The following LAMA3 variants were observed in gnomAD, a reference collection of about 807,000 sequenced individuals.
LAMA3 encodes the protein laminin subunit alpha-3.
LAMA3 carries 281 observed loss-of-function variants against 402.0 expected under a neutral mutation model. The ratio of observed to expected loss-of-function variants is 0.70; its 90% CI spans 0.63 to 0.77. The LOEUF is 0.77. Among genes scored for constraint, LAMA3 ranks in the 30% least tolerant of loss-of-function variants. LAMA3 has a pLI of 0.00. For synonymous variants in LAMA3, 1,431 were observed against 1,558.4 expected, an observed-to-expected ratio of 0.92 and a Z score of 1.93; for missense variants, 3,840 against 4,215.5, an observed-to-expected ratio of 0.91 and a Z score of 2.47.
chr18:23,913,925 C>T (rs1041058305), intron 56 of LAMA3, among the ~76,000 whole-genome samples: 1 of 152,160 alleles, frequency 6.6e-6, no homozygotes. Context: ...GATATTATGC[C>T]GTGATTTTAA....
At position 23,773,440 on chromosome 18, in the gene LAMA3, TA is replaced by T. The variant is rs1598762148; in HGVS notation, c.1183-55del. 9.6e-6 allele frequency: 10 copies of T among 1,040,804 alleles called. No individual in the cohort carries two copies. The East Asian group carries it at 2.6e-4, about 27-fold the overall frequency. The allele number at this position is 1,040,804 out of a possible 1,614,324, so 64.5% of individuals were successfully genotyped here. A position where few individuals can be genotyped will look rare whatever the true frequency, so the allele number is the denominator to read the frequency against. On this transcript the variant is annotated intron_variant, in intron 8 of 74. Coordinates refer to ENST00000313654, the MANE Select transcript of LAMA3 (RefSeq NM_198129.4). Reference sequence around the variant, plus strand: ...ATTCCTCTGGGTGAGTAGCACAAAATAAGGAGAATCGTCTTCCCCAGAACCC... The same window carrying T: ...ATTCCTCTGGGTGAGTAGCACAAAATAGGAGAATCGTCTTCCCCAGAACCC...
At chr18:23,952,858 T>A in intron 73 of LAMA3, 132 bp from the exon 74 acceptor site, 1 of 1,137,066 alleles carries the variant, frequency 8.8e-7, no homozygotes, top group African/African-American at 1.5e-5. Context: ...TGAATTTATA[T>A]CTAAGCTGAC....
chr18:23,850,963 G>A (rs1460678233), intron 32 of LAMA3, among the ~76,000 whole-genome samples: 4 of 152,238 alleles, frequency 2.6e-5, no homozygotes, highest in Non-Finnish European at 5.9e-5. Context: ...TGCCTTTTCA[G>A]AAGGGTAGTA....
intron 6 of LAMA3, among the ~76,000 whole-genome samples, chr18:23,757,841 CTGAG>C (rs1434388944): frequency 6.6e-6 from 1 of 152,224 alleles, no homozygotes; most frequent in Non-Finnish European, 1.5e-5. Context: ...CTTTGCTTCT[CTGAG>C]TGGTCTCAGC....
chr18:23,716,957 C>T (rs940915692), intron 2 of LAMA3, among the ~76,000 whole-genome samples: 10 of 152,258 alleles, frequency 6.6e-5, no homozygotes, highest in African/African-American at 1.2e-4. Context: ...TTAGAGCAGT[C>T]GTATTTTTTA....
intron 25 of LAMA3, 174 bp downstream of exon 25, chr18:23,837,263 G>A (rs1268444052): frequency 4.8e-6 from 3 of 621,758 alleles, no homozygotes; most frequent in Non-Finnish European, 8.7e-6. Flanking sequence ...ATTTGTTTGA[G>A]CATTTTTTGA....
intron 34 of LAMA3, 71 bp downstream of exon 34, chr18:23,858,900 C>A: frequency 1.4e-6 from 2 of 1,466,682 alleles, no homozygotes; most frequent in Non-Finnish European, 1.9e-6. Flanking sequence ...ATATCCCTCG[C>A]TGCTCCTTGG....
intron 11 of LAMA3, 85 bp downstream of exon 11, chr18:23,777,704 C>T (rs2062352975): frequency 2.0e-6 from 2 of 1,014,684 alleles, no homozygotes; most frequent in African/African-American, 3.2e-5. Context: ...CTGCCACATC[C>T]AAGGCCAAGT....
At chr18:23,693,203 G>C (rs1379853582) in intron 1 of LAMA3, among the ~76,000 whole-genome samples, 2 of 152,108 alleles carry the variant, frequency 1.3e-5, no homozygotes, top group Admixed American at 6.5e-5. Flanking sequence ...AATTAGCCGG[G>C]CGTGGTGGCA....
chr18:23,881,850 A>T, intron 39 of LAMA3, 86 bp from the exon 40 acceptor site: 1 of 838,304 alleles, frequency 1.2e-6, no homozygotes. Flanking sequence ...CTTGAGTTGT[A>T]GTCATGTGAC....
At chr18:23,933,719 C>T in intron 66 of LAMA3, 63 bp from the exon 67 acceptor site, 3 of 1,574,120 alleles carry the variant, frequency 1.9e-6, no homozygotes, top group Admixed American at 3.4e-5. Context: ...GCTCTCTCTA[C>T]CAGAGGGTCT....
In LAMA3 at chr18:23,946,281, A is replaced by G. The variant is rs2082710286; in HGVS notation, c.9348A>G (p.Pro3116=). The part of the protein sequence containing the change: ...VYLGSPPSGK[P]KSLPTNSFVG... ...TGGGATCACCTCCATCAGGGAAACC[A>G]AAGGTAAATAGTTATGTTCAGAGCC... The change falls in exon 70 of 75, where the codon CCA becomes CCG. Residue 3116 remains proline, a synonymous_variant. Transcript: ENST00000313654. 1.2e-6 allele frequency: 2 copies of G among 1,614,032 alleles called. No homozygotes were observed. Among genetic ancestry groups the G allele is most frequent in the African/African-American group, 2.7e-5 (2 of 74,938 alleles).
At chr18:23,811,899 A>C (rs956442285) in intron 13 of LAMA3, among the ~76,000 whole-genome samples, 9 of 151,732 alleles carry the variant, frequency 5.9e-5, no homozygotes, top group African/African-American at 2.2e-4. Context: ...TTTGAGACAG[A>C]GTCTCGCTCT....
chr18:23,926,049 A>G (rs185338516), intron 62 of LAMA3, among the ~76,000 whole-genome samples: 1 of 152,320 alleles, frequency 6.6e-6, no homozygotes, highest in East Asian at 1.9e-4. Context: ...CCTATCTCTT[A>G]GGGTGGTTGG....
chr18:23,896,837 G>A (rs2080891222), intron 44 of LAMA3, among the ~76,000 whole-genome samples: 1 of 152,128 alleles, frequency 6.6e-6, no homozygotes, highest in African/African-American at 2.4e-5. Flanking sequence ...ACCGTGGGTT[G>A]GAGGTTCGAG....
intron 1 of LAMA3, among the ~76,000 whole-genome samples, chr18:23,699,049 AG>A (rs1162154984): frequency 1.3e-5 from 2 of 151,756 alleles, no homozygotes; most frequent in Non-Finnish European, 2.9e-5. Flanking sequence ...AGAGAGAGAG[AG>A]AGAGAAAGAA....
At chr18:23,913,082 T>G (rs1599078331) in intron 56 of LAMA3, among the ~76,000 whole-genome samples, 1 of 152,200 alleles carries the variant, frequency 6.6e-6, no homozygotes, top group African/African-American at 2.4e-5. Context: ...CCATGCATTG[T>G]TGGTTGCTAG....
intron 1 of LAMA3, among the ~76,000 whole-genome samples, chr18:23,694,682 T>C (rs1235714389): frequency 6.6e-6 from 1 of 152,226 alleles, no homozygotes; most frequent in Non-Finnish European, 1.5e-5. Flanking sequence ...GCTATACTAC[T>C]GTCACAGACA....
chr18:23,924,549 T>C lies in LAMA3; in HGVS notation c.8177+2964T>C, dbSNP rs866744811. Among the ~76,000 whole-genome samples, 121 of 148,052 alleles carry C rather than the reference T, an allele frequency of 8.2e-4. 3 individuals carry two copies. In the South Asian group the frequency reaches 0.025, roughly 31 times the overall value. ...TACTTTGACCTTTTTTTTTCTTTTT[T>C]TTTTTTTTTTTTGAGACGAGGTGTT... On this transcript the variant is annotated intron_variant, in intron 62 of 74. Coordinates refer to ENST00000313654, the MANE Select transcript of LAMA3 (RefSeq NM_198129.4).
Sources: allele counts gnomAD v4.1 joint callset (sites outside exome capture counted in the v4.1 genomes callset), GRCh38; gene constraint gnomAD v4.1.1; transcripts MANE v1.5; gene names NCBI Gene and HGNC (gene_info 2026-07-23, HGNC 2026-07-21).